Variants in AGBL1 observed in about 807,000 individuals in gnomAD.
The protein encoded by AGBL1 is cytosolic carboxypeptidase 4.
AGBL1 carries 130 observed loss-of-function variants against 118.9 expected under a neutral mutation model. The ratio of observed to expected loss-of-function variants is 1.09; its 90% CI spans 0.95 to 1.26. The LOEUF is 1.26. Among genes scored for constraint, AGBL1 ranks in the 50% most tolerant of loss-of-function variants. The pLI is 0.00. For synonymous variants in AGBL1, 555 were observed against 478.9 expected, an observed-to-expected ratio of 1.16 and a Z score of -2.08; for missense variants, 1,584 against 1,298.1, an observed-to-expected ratio of 1.22 and a Z score of -3.38.
intron 24 of AGBL1, among the ~76,000 whole-genome samples, chr15:86,989,930 T>C (rs2081322253): frequency 6.6e-6 from 1 of 152,116 alleles, no homozygotes; most frequent in East Asian, 1.9e-4. Context: ...GGGTGGCAAG[T>C]AACAGTGTGA....
At chr15:86,169,561 A>G (rs2077386900) in intron 5 of AGBL1, among the ~76,000 whole-genome samples, 1 of 152,202 alleles carries the variant, frequency 6.6e-6, no homozygotes, top group Admixed American at 6.5e-5. Context: ...TTCATATAAA[A>G]TATTGCAATA....
At chr15:86,495,847 T>C (rs1168907785) in intron 18 of AGBL1, among the ~76,000 whole-genome samples, 1 of 151,978 alleles carries the variant, frequency 6.6e-6, no homozygotes, top group African/African-American at 2.4e-5. Context: ...CTTTTTCTTT[T>C]TTTTTCCTAT....
intron 22 of AGBL1, among the ~76,000 whole-genome samples, chr15:86,698,073 A>G (rs2086292786): frequency 1.3e-5 from 2 of 151,976 alleles, no homozygotes; most frequent in Non-Finnish European, 2.9e-5. Context: ...TGCCCATATG[A>G]GTTGGATCTG....
chr15:86,662,500 C>T (rs2085562495), intron 21 of AGBL1, among the ~76,000 whole-genome samples: 1 of 152,198 alleles, frequency 6.6e-6, no homozygotes. Flanking sequence ...TCCCTTTATG[C>T]TACTTAAAGT....
At chr15:86,631,291 G>A (rs1003365182) in intron 21 of AGBL1, among the ~76,000 whole-genome samples, 1 of 151,000 alleles carries the variant, frequency 6.6e-6, no homozygotes, top group Non-Finnish European at 1.5e-5. Flanking sequence ...GAAGTAGGGG[G>A]AGACGTAGGT....
At chr15:86,460,532 C>CAACAAA (rs927346684) in intron 18 of AGBL1, among the ~76,000 whole-genome samples, 15 of 151,580 alleles carry the variant, frequency 9.9e-5, no homozygotes, top group African/African-American at 3.6e-4. Context: ...ATAACAACAA[C>CAACAAA]AACAAAAACA....
At chr15:86,960,629 C>A (rs547746904) in intron 23 of AGBL1, among the ~76,000 whole-genome samples, 9 of 151,928 alleles carry the variant, frequency 5.9e-5, no homozygotes, top group East Asian at 5.9e-4. Flanking sequence ...ATATCCCCCC[C>A]AAAAAGAAAG....
At position 86,688,817 on chromosome 15, in the gene AGBL1, G is replaced by T. The variant is rs567207835; in HGVS notation, c.3158+14381G>T. ...GCATAAAACTATCACCACAATCACAGTTATTCCCATCATCACACCAAATAT... is the reference window on the plus strand; with the variant it reads ...GCATAAAACTATCACCACAATCACATTTATTCCCATCATCACACCAAATAT... On this transcript the variant is annotated intron_variant, in intron 22 of 22. Transcript: ENST00000614907. Among the ~76,000 whole-genome samples, 4 of 152,158 alleles carry T rather than the reference G, an allele frequency of 2.6e-5. No individual in the cohort carries two copies. In the East Asian group the frequency reaches 7.7e-4, roughly 29 times the overall value.
At chr15:86,472,082 A>C (rs1291635639) in intron 18 of AGBL1, among the ~76,000 whole-genome samples, 1 of 152,188 alleles carries the variant, frequency 6.6e-6, no homozygotes, top group Non-Finnish European at 1.5e-5. Flanking sequence ...AGGAGCTGGC[A>C]GCAGCAAGGT....
intron 13 of AGBL1, 33 bp from the exon 14 acceptor site, chr15:86,269,886 A>C: frequency 6.2e-7 from 1 of 1,606,426 alleles, no homozygotes; most frequent in Non-Finnish European, 8.5e-7. Context: ...AAGACTTTCC[A>C]GATAACCCTC....
intron 18 of AGBL1, among the ~76,000 whole-genome samples, chr15:86,516,793 C>CAAAA (rs3084324): frequency 1.0e-5 from 1 of 99,208 alleles, no homozygotes; most frequent in Non-Finnish European, 2.0e-5. Context: ...AACTCCATCT[C>CAAAA]AAAAAAAAAA....
intron 16 of AGBL1, among the ~76,000 whole-genome samples, chr15:86,293,984 C>A (rs770700195): frequency 2.0e-5 from 3 of 152,220 alleles, no homozygotes; most frequent in Non-Finnish European, 2.9e-5. Flanking sequence ...GTGTTTCCCT[C>A]TCTGGTTACT....
intron 22 of AGBL1, among the ~76,000 whole-genome samples, chr15:86,725,005 CA>C (rs1427770287): frequency 6.6e-6 from 1 of 151,844 alleles, no homozygotes; most frequent in Admixed American, 6.6e-5. Context: ...TCCTTTATAG[CA>C]ATGCAAAAAT....
At chr15:86,368,716 C>T (rs949362062) in intron 17 of AGBL1, among the ~76,000 whole-genome samples, 40 of 152,116 alleles carry the variant, frequency 2.6e-4, no homozygotes, top group African/African-American at 8.9e-4. Flanking sequence ...CTGAGAGGCT[C>T]GCACATTTTT....
chr15:86,225,890 ATCACATGCTGTT>A (rs1424143563), intron 6 of AGBL1, among the ~76,000 whole-genome samples: 18 of 152,294 alleles, frequency 1.2e-4, no homozygotes, highest in African/African-American at 4.3e-4. Context: ...AAAGAGCCAA[ATCACATGCTGTT>A]TCCCTTTATA....
intron 23 of AGBL1, among the ~76,000 whole-genome samples, chr15:86,925,243 G>T (rs1374828840): frequency 6.6e-6 from 1 of 151,876 alleles, no homozygotes; most frequent in Non-Finnish European, 1.5e-5. Context: ...AACCTGGGTG[G>T]CTTGTTAAAA....
chr15:86,547,537 G>C (rs896521330), intron 20 of AGBL1, among the ~76,000 whole-genome samples: 15 of 152,122 alleles, frequency 9.9e-5, no homozygotes, highest in African/African-American at 3.1e-4. Context: ...TTTAATTTTT[G>C]TGAATAATTC....
chr15:87,008,918 A>C (rs2081530753), intron 24 of AGBL1, among the ~76,000 whole-genome samples: 1 of 152,222 alleles, frequency 6.6e-6, no homozygotes, highest in Non-Finnish European at 1.5e-5. Context: ...TCAAGAGATT[A>C]CTTGGGTGCT....
intron 18 of AGBL1, among the ~76,000 whole-genome samples, chr15:86,436,470 T>C (rs1206584636): frequency 6.6e-6 from 1 of 152,174 alleles, no homozygotes; most frequent in Non-Finnish European, 1.5e-5. Flanking sequence ...ATGATAGTCT[T>C]ATCCAGGATT....
Sources: allele counts gnomAD v4.1 joint callset (sites outside exome capture counted in the v4.1 genomes callset), GRCh38; gene constraint gnomAD v4.1.1; transcripts MANE v1.5; gene names NCBI Gene and HGNC (gene_info 2026-07-23, HGNC 2026-07-21).